TACR3: variants seen among roughly 807,000 people sequenced by gnomAD.
TACR3 encodes neuromedin-K receptor.
A neutral mutation model predicts 35.0 loss-of-function variants in TACR3; 34 were observed. That is an observed-to-expected ratio of 0.97 (90% CI 0.74 to 1.30). TACR3 has a LOEUF of 1.30. Among genes scored for constraint, TACR3 ranks in the 50% most tolerant of loss-of-function variants. The pLI, the probability that TACR3 is intolerant of heterozygous loss-of-function variation, is 0.00. For synonymous variants in TACR3, 233 were observed against 221.1 expected (o/e 1.05, Z -0.48); for missense variants, 558 against 591.7 (o/e 0.94, Z 0.59).
At chr4:103,615,184 C>CG (rs1560807571) in intron 3 of TACR3, among the ~76,000 whole-genome samples, 2 of 152,028 alleles carry the variant, frequency 1.3e-5, no homozygotes. Context: ...GCGTGAGCCA[C>CG]CGCGCCCGTC....
chr4:103,656,972 A>AAAACAAAAC (rs1249319993), intron 2 of TACR3, among the ~76,000 whole-genome samples: 1 of 151,974 alleles, frequency 6.6e-6, no homozygotes, highest in Non-Finnish European at 1.5e-5. Context: ...AAAACAAAAC[A>AAAACAAAAC]AAAAAACATG....
intron 3 of TACR3, among the ~76,000 whole-genome samples, chr4:103,616,297 C>CGGGTATGT (rs1560808088): frequency 9.7e-6 from 1 of 103,172 alleles, no homozygotes; most frequent in Non-Finnish European, 2.0e-5. Context: ...AGAGTACATA[C>CGGGTATGT]GTGTATGTGT....
chr4:103,649,572 C>A (rs1036419469), intron 3 of TACR3, among the ~76,000 whole-genome samples: 16 of 151,890 alleles, frequency 1.1e-4, no homozygotes, highest in Admixed American at 3.9e-4. Flanking sequence ...TTTCAAATAG[C>A]CTGCCTTCAA....
Position 103,588,521 on chromosome 4 carries a change from T to G in TACR3, c.*1161A>C, listed in dbSNP as rs1723825958. On this transcript the variant is annotated 3_prime_UTR_variant, in exon 5 of 5. Coordinates refer to ENST00000304883, the MANE Select transcript of TACR3 (RefSeq NM_001059.3). ...TTATCTCATTTCTTTCTGGTAAGAC[T>G]TCTGAATAATCTAAGCAAATGAAAG... 1 of 152,260 alleles carries G rather than the reference T, an allele frequency of 6.6e-6. No homozygotes were observed. Among genetic ancestry groups the G allele is most frequent in the Middle Eastern group, 3.4e-3 (1 of 294 alleles). The allele number at this position is 152,260 out of a possible 1,614,324, so 9.4% of individuals were successfully genotyped here.
intron 1 of TACR3, among the ~76,000 whole-genome samples, chr4:103,709,545 CA>C (rs1722887566): frequency 1.3e-5 from 2 of 152,120 alleles, no homozygotes; most frequent in Admixed American, 1.3e-4. Context: ...GCAGCCATTG[CA>C]AAAACATGCC....
At chr4:103,644,586 A>T (rs1725420847) in intron 3 of TACR3, among the ~76,000 whole-genome samples, 1 of 151,802 alleles carries the variant, frequency 6.6e-6, no homozygotes, top group Non-Finnish European at 1.5e-5. Flanking sequence ...GAATTTCTAT[A>T]TAAAATTCCT....
intron 3 of TACR3, chr4:103,624,166 T>G (rs1724842673): frequency 6.6e-6 from 1 of 152,178 alleles, no homozygotes; most frequent in South Asian, 2.1e-4. Context: ...AATTACTGTT[T>G]TCTGTGTTGT....
At chr4:103,624,788 A>G (rs1210818884) in intron 3 of TACR3, among the ~76,000 whole-genome samples, 1 of 152,182 alleles carries the variant, frequency 6.6e-6, no homozygotes, top group Non-Finnish European at 1.5e-5. Context: ...AAATGTGGGT[A>G]CATGGAGAAT....
intron 3 of TACR3, among the ~76,000 whole-genome samples, chr4:103,654,354 A>G (rs1434926089): frequency 6.6e-6 from 1 of 151,802 alleles, no homozygotes; most frequent in Admixed American, 6.6e-5. Context: ...ACACCATGGA[A>G]TACTATGCAG....
chr4:103,625,148 T>C (rs1724862066), intron 3 of TACR3, among the ~76,000 whole-genome samples: 1 of 152,186 alleles, frequency 6.6e-6, no homozygotes, highest in African/African-American at 2.4e-5. Context: ...ATTTACATTT[T>C]TCATTAAGGA....
chr4:103,691,280 T>C (rs1722397024), intron 1 of TACR3, among the ~76,000 whole-genome samples: 1 of 152,108 alleles, frequency 6.6e-6, no homozygotes, highest in Non-Finnish European at 1.5e-5. Context: ...AGAAACAAAC[T>C]CTTGATACAC....
intron 3 of TACR3, among the ~76,000 whole-genome samples, chr4:103,633,455 A>G (rs1289004466): frequency 1.3e-5 from 2 of 151,838 alleles, no homozygotes; most frequent in Non-Finnish European, 2.9e-5. Context: ...TACAGGTGGT[A>G]TTTGGTTACA....
intron 3 of TACR3, among the ~76,000 whole-genome samples, chr4:103,614,428 G>T (rs1724585686): frequency 6.6e-6 from 1 of 151,930 alleles, no homozygotes; most frequent in South Asian, 2.1e-4. Context: ...ATTTAGTGTT[G>T]AGGCAAAGGC....
At chr4:103,685,308 T>C (rs931759662) in intron 1 of TACR3, among the ~76,000 whole-genome samples, 11 of 152,272 alleles carry the variant, frequency 7.2e-5, no homozygotes, top group African/African-American at 2.4e-4. Context: ...TGGATATTTG[T>C]ATGCCAAAAA....
At chr4:103,663,239 A>C (rs2110332853) in intron 1 of TACR3, among the ~76,000 whole-genome samples, 1 of 152,304 alleles carries the variant, frequency 6.6e-6, no homozygotes, top group South Asian at 2.1e-4. Flanking sequence ...CACACCTGTA[A>C]CCCCAGCACT....
At chr4:103,622,712 C>G (rs17033905) in intron 3 of TACR3, among the ~76,000 whole-genome samples, 3,552 of 152,080 alleles carry the variant, frequency 0.023, 126 homozygotes, top group African/African-American at 0.081. Flanking sequence ...GTGAGTCTAG[C>G]CAAAAATATG....
chr4:103,653,513 G>T (rs1210420957), intron 3 of TACR3, among the ~76,000 whole-genome samples: 1 of 151,934 alleles, frequency 6.6e-6, no homozygotes, highest in Non-Finnish European at 1.5e-5. Flanking sequence ...GCTGAAACTG[G>T]ATCCCTTCCT....
At chr4:103,612,384 T>C (rs1724531997) in intron 3 of TACR3, among the ~76,000 whole-genome samples, 1 of 152,202 alleles carries the variant, frequency 6.6e-6, no homozygotes, top group Non-Finnish European at 1.5e-5. Flanking sequence ...TGAAAACAAC[T>C]CCGATTGCAA....
chr4:103,717,031 GA>G (rs762322312), intron 1 of TACR3, among the ~76,000 whole-genome samples: 3 of 152,122 alleles, frequency 2.0e-5, no homozygotes, highest in Non-Finnish European at 4.4e-5. Flanking sequence ...GTCAACCTCA[GA>G]AGCGTTTTCT....
Sources: allele counts gnomAD v4.1 joint callset (sites outside exome capture counted in the v4.1 genomes callset), GRCh38; gene constraint gnomAD v4.1.1; transcripts MANE v1.5; gene names NCBI Gene and HGNC (gene_info 2026-07-23, HGNC 2026-07-21).